The following DHRS7B variants were observed in gnomAD, a reference collection of about 807,000 sequenced individuals.
DHRS7B encodes dehydrogenase/reductase 7B, also known as peroxisomal reductase activating PPAR-gamma.
A neutral mutation model predicts 26.4 loss-of-function variants in DHRS7B; 24 were observed. That is an observed-to-expected ratio of 0.91 (90% confidence interval 0.66 to 1.28). DHRS7B has a LOEUF of 1.28. Among genes scored for constraint, DHRS7B ranks in the 50% most tolerant of loss-of-function variants. The pLI, the probability that DHRS7B is intolerant of heterozygous loss-of-function variation, is 0.00. For synonymous variants in DHRS7B, 142 were observed against 166.4 expected (o/e 0.85, Z 1.13); for missense variants, 368 against 419.4 (o/e 0.88, Z 1.07).
At chr17:21,184,242 C>T (rs987286523) in intron 4 of DHRS7B, 129 bp from the exon 5 acceptor site, 17 of 780,474 alleles carry the variant, frequency 2.2e-5, no homozygotes, top group South Asian at 3.6e-5. Flanking sequence ...ACATAGTCCT[C>T]TACCCTAAGG....
intron 2 of DHRS7B, among the ~76,000 whole-genome samples, chr17:21,175,637 C>T (rs1974359473): frequency 6.6e-6 from 1 of 152,148 alleles, no homozygotes; most frequent in East Asian, 1.9e-4. Context: ...GACAGGAGTG[C>T]CTCTTTAAAC....
At chr17:21,149,198 G>A (rs1056964116) in intron 1 of DHRS7B, among the ~76,000 whole-genome samples, 11 of 151,572 alleles carry the variant, frequency 7.3e-5, no homozygotes, top group Admixed American at 2.6e-4. Context: ...GGTATGGAAC[G>A]ATATTTTCAA....
At chr17:21,151,490 A>T (rs1973769885) in intron 1 of DHRS7B, among the ~76,000 whole-genome samples, 1 of 148,334 alleles carries the variant, frequency 6.7e-6, no homozygotes, top group Non-Finnish European at 1.5e-5. Context: ...TCCAGCCTGG[A>T]TGACAGTGTG....
chr17:21,140,390 A>G (rs994874715), intron 1 of DHRS7B, among the ~76,000 whole-genome samples: 1 of 151,900 alleles, frequency 6.6e-6, no homozygotes, highest in African/African-American at 2.4e-5. Context: ...TAAAGGAACC[A>G]ACTCAGGTGA....
intron 4 of DHRS7B, among the ~76,000 whole-genome samples, chr17:21,184,115 A>G (rs1974576014): frequency 6.6e-6 from 1 of 152,218 alleles, no homozygotes; most frequent in African/African-American, 2.4e-5. Flanking sequence ...AGGCTCCAGC[A>G]GGAAAAGGGA....
intron 5 of DHRS7B, among the ~76,000 whole-genome samples, chr17:21,185,748 T>C (rs1483798258): frequency 6.6e-6 from 1 of 151,996 alleles, no homozygotes; most frequent in Non-Finnish European, 1.5e-5. Flanking sequence ...AGTGCAGTAG[T>C]GCGATCTCGG....
intron 1 of DHRS7B, chr17:21,128,843 C>G (rs1973162935): frequency 6.7e-6 from 1 of 150,280 alleles, no homozygotes; most frequent in African/African-American, 2.5e-5. Flanking sequence ...GCATTCCAGC[C>G]TGGGCGACAA....
chr17:21,163,186 ACTGT>A (rs1325511316), intron 1 of DHRS7B, among the ~76,000 whole-genome samples: 1 of 135,084 alleles, frequency 7.4e-6, no homozygotes, highest in Non-Finnish European at 1.7e-5. Flanking sequence ...ACAGAGCAAG[ACTGT>A]CTCAAAAAAA....
At chr17:21,174,036 G>T (rs951588369) in intron 2 of DHRS7B, among the ~76,000 whole-genome samples, 3 of 152,114 alleles carry the variant, frequency 2.0e-5, no homozygotes, top group Non-Finnish European at 4.4e-5. Flanking sequence ...TCCAGTCACT[G>T]CTTATATTCT....
At chr17:21,135,736 A>G (rs1023302403) in intron 1 of DHRS7B, among the ~76,000 whole-genome samples, 5 of 152,200 alleles carry the variant, frequency 3.3e-5, no homozygotes, top group Admixed American at 6.5e-5. Context: ...AAGAAAACCT[A>G]ACTAATCTGA....
Position 21,172,113 on chromosome 17 carries a change from G to C in DHRS7B, c.116G>C (p.Arg39Pro), listed in dbSNP as rs565390518. Residue 39 changes from arginine (R) to proline (P), a missense_variant, in exon 2 of 7, where the codon CGG (arginine) becomes CCG (proline). Physicochemically the swap from Arg to Pro is moderately radical, Grantham distance 103 (BLOSUM62 -2). Transcript: ENST00000395511. Reference sequence around the variant, plus strand: ...TGCCTGGGCGTCTTCGGCCTCTTCCGGCTGCTGCAGTGGGTGCGCGGGAAG... The same window carrying C: ...TGCCTGGGCGTCTTCGGCCTCTTCCCGCTGCTGCAGTGGGTGCGCGGGAAG... ...FGCLGVFGLF[R>P]LLQWVRGKAY... The C allele has an allele frequency of 1.2e-6, 2 of 1,614,130 alleles. No homozygotes were observed. Among genetic ancestry groups the C allele is most frequent in the Admixed American group, 3.3e-5 (2 of 60,020 alleles).
chr17:21,165,658 G>C (rs1597746744), intron 1 of DHRS7B, among the ~76,000 whole-genome samples: 1 of 152,072 alleles, frequency 6.6e-6, no homozygotes, highest in Non-Finnish European at 1.5e-5. Flanking sequence ...AAGGCCGGAC[G>C]TGGTGGCTCA....
chr17:21,169,620 T>A (rs1597749072), intron 1 of DHRS7B, among the ~76,000 whole-genome samples: 1 of 152,048 alleles, frequency 6.6e-6, no homozygotes, highest in Non-Finnish European at 1.5e-5. Context: ...GCAGTTAGTG[T>A]TTTTCAAGTG....
At chr17:21,148,060 A>C (rs1008027888) in intron 1 of DHRS7B, among the ~76,000 whole-genome samples, 1 of 152,072 alleles carries the variant, frequency 6.6e-6, no homozygotes, top group African/African-American at 2.4e-5. Context: ...TATTTTAAAA[A>C]ATAAAATAAT....
At chr17:21,157,759 T>C (rs1252880710) in intron 1 of DHRS7B, among the ~76,000 whole-genome samples, 1 of 152,032 alleles carries the variant, frequency 6.6e-6, no homozygotes, top group African/African-American at 2.4e-5. Flanking sequence ...CCCAGTACTT[T>C]GGGAGGCAAA....
intron 5 of DHRS7B, among the ~76,000 whole-genome samples, chr17:21,185,751 G>T (rs1386685107): frequency 1.3e-5 from 2 of 151,768 alleles, no homozygotes; most frequent in African/African-American, 4.8e-5. Context: ...GCAGTAGTGC[G>T]ATCTCGGCTC....
intron 6 of DHRS7B, among the ~76,000 whole-genome samples, chr17:21,189,769 G>A (rs911244226): frequency 6.6e-6 from 1 of 152,348 alleles, no homozygotes; most frequent in South Asian, 2.1e-4. Context: ...TATCTCTGCG[G>A]CATTTAAAAA....
In DHRS7B at chr17:21,191,359, A is replaced by G; in HGVS notation, c.*206A>G. The G allele has an allele frequency of 1.7e-6, 1 of 590,488 alleles. No homozygotes were observed. The highest frequency in any genetic ancestry group is 2.9e-5 in the East Asian group (1 of 34,944). The allele number at this position is 590,488 out of a possible 1,614,324, so 36.6% of individuals were successfully genotyped here. The stretch of plus-strand genomic sequence containing the variant: ...TTCCCAGGGTGAGGGGAAACACTTA[A>G]GGAATAAATATGGAGCTGGGGTTTA... On this transcript the variant is annotated 3_prime_UTR_variant, in exon 7 of 7. Coordinates refer to ENST00000395511, the MANE Select transcript of DHRS7B (RefSeq NM_015510.5).
At chr17:21,186,559 G>C (rs1974639324) in intron 5 of DHRS7B, among the ~76,000 whole-genome samples, 1 of 152,262 alleles carries the variant, frequency 6.6e-6, no homozygotes, top group South Asian at 2.1e-4. Flanking sequence ...AGCAAGCTCA[G>C]ACACTGCTGA....
Sources: gnomAD v4.1 joint callset for allele counts (sites outside exome capture counted in the v4.1 genomes callset) on GRCh38, gnomAD v4.1.1 for gene constraint, MANE v1.5 for transcripts, NCBI Gene and HGNC (gene_info 2026-07-23, HGNC 2026-07-21) for gene names.